The following FBLN2 variants were observed in gnomAD, a reference collection of about 807,000 sequenced individuals.
FBLN2 encodes the protein fibulin-2.
Under a neutral mutation model 123.7 loss-of-function variants are expected in FBLN2, and 81 were observed. The observed-to-expected ratio is 0.65, with a 90% CI of 0.55 to 0.79. FBLN2 has a LOEUF of 0.79. FBLN2 is among the 30% of genes least tolerant of loss of function. The probability of loss-of-function intolerance (pLI) is 0.00; values close to 1 mark genes in which losing one functional copy is unlikely to be tolerated. For missense variants in FBLN2, 1,603 were observed against 1,681.3 expected (o/e 0.95, Z 0.81); for synonymous variants, 699 against 701.4 (o/e 1.00, Z 0.05).
rs552824818 is a variant in FBLN2 at position 13,631,354 on chromosome 3, C to T, written c.3111C>T (p.Ala1037=). 20 of 1,603,046 alleles carry T rather than the reference C, an allele frequency of 1.2e-5. No homozygotes were observed. Among genetic ancestry groups the T allele is most frequent in the Middle Eastern group, 1.7e-4 (1 of 6,056 alleles). Residue 1037 remains alanine, a synonymous_variant, in exon 16 of 18, where the codon GCC becomes GCT. Coordinates refer to ENST00000404922, the MANE Select transcript of FBLN2 (RefSeq NM_001004019.2). ...CTDIDECAQG[A]GILCTFRCLN... is the part of the protein sequence containing the mutation. ...ACATCGACGAGTGTGCTCAAGGCGC[C>T]GGCATCCTCTGCACCTTCCGCTGTC...
intron 4 of FBLN2, among the ~76,000 whole-genome samples, chr3:13,611,568 C>G (rs989354230): frequency 1.3e-5 from 2 of 152,188 alleles, no homozygotes; most frequent in Non-Finnish European, 2.9e-5. Context: ...AGCATAATGT[C>G]TTCAAGGTTC....
In FBLN2 at chr3:13,630,787, G is replaced by C; in HGVS notation, c.3057G>C (p.Gln1019His). ...SYQCYCRQGYQLAEDGHTCTD... is the reference protein window; with the variant it reads ...SYQCYCRQGYHLAEDGHTCTD... ...AGTGCTACTGCCGCCAGGGCTACCA[G>C]CTGGCTGAGGATGGGCACACCTGCA... Residue 1019 changes from glutamine to histidine, a missense_variant, in exon 15 of 18, where the codon CAG becomes CAC. Transcript: ENST00000404922. 1 of 1,607,414 alleles carries C rather than the reference G, an allele frequency of 6.2e-7. No individual in the cohort carries two copies. Among genetic ancestry groups the C allele is most frequent in the Non-Finnish European group, 8.5e-7 (1 of 1,177,180 alleles).
At position 13,570,337 on chromosome 3, in the gene FBLN2, T is replaced by A; in HGVS notation, c.-19T>A. The A allele has an allele frequency of 6.6e-7, 1 of 1,522,064 alleles. No individual in the cohort carries two copies. Among genetic ancestry groups the A allele is most frequent in the Non-Finnish European group, 8.8e-7 (1 of 1,130,772 alleles). The allele number at this position is 1,522,064 out of a possible 1,614,324, so 94.3% of individuals were successfully genotyped here. On this transcript the variant is annotated 5_prime_UTR_variant, in exon 2 of 18. Transcript: ENST00000404922. ...CAGGGTCTTACAGGAGAGGGGACCG[T>A]CCTGGGCTGGCCTGGACCATGGTGC...
rs778923392 is a variant in FBLN2, at chr3:13,571,600, C to T, written c.1245C>T (p.Ser415=). 5 of 1,612,716 alleles carry T rather than the reference C, an allele frequency of 3.1e-6. No individual in the cohort carries two copies. The Admixed American group carries it at 8.3e-5, about 27-fold the overall frequency. Residue 415 remains serine, a synonymous_variant, in exon 2 of 18, where the codon TCC becomes TCT. Transcript: ENST00000404922. The part of the protein sequence containing the change: ...VPRKPQVLPH[S]HVEEDTDPNS... ...GGAAGCCGCAAGTTCTGCCCCATTCCCACGTGGAGGAGGACACAGACCCCA... is the reference window on the plus strand; with the variant it reads ...GGAAGCCGCAAGTTCTGCCCCATTCTCACGTGGAGGAGGACACAGACCCCA...
Position 13,629,849 on chromosome 3 carries a change from C to T in FBLN2, c.2872C>T (p.Arg958Cys). 11 of 1,585,140 alleles carry T rather than the reference C, an allele frequency of 6.9e-6. No individual in the cohort carries two copies. The highest frequency in any genetic ancestry group is 2.3e-5 in the East Asian group (1 of 43,098). The change falls in exon 14 of 18, where the codon CGC becomes TGC. Residue 958 changes from arginine (R) to cysteine (C), a missense_variant. Transcript: ENST00000404922. The part of the protein sequence containing the change: ...DVNECWASPG[R>C]LCQHTCENTL... ...GAATGAGTGCTGGGCCTCGCCAGGC[C>T]GCCTGTGCCAGCACACGTGTGAGAA...
chr3:13,617,034 C>T (rs1705631646), intron 5 of FBLN2, among the ~76,000 whole-genome samples: 1 of 152,190 alleles, frequency 6.6e-6, no homozygotes. Context: ...CTTTGTGGAT[C>T]TGACCCTGTC....
chr3:13,606,070 G>C (rs1442617014), intron 2 of FBLN2, among the ~76,000 whole-genome samples: 1 of 152,110 alleles, frequency 6.6e-6, no homozygotes. Flanking sequence ...GAGTAGCTAG[G>C]CTAACTTTTT....
chr3:13,599,352 C>A (rs62232966), intron 2 of FBLN2, among the ~76,000 whole-genome samples: 11,709 of 152,196 alleles, frequency 0.077, 608 homozygotes, highest in Non-Finnish European at 0.1. Context: ...TCCAGGCAGG[C>A]AGCATGGCAA....
chr3:13,637,939 T>C lies in FBLN2; in HGVS notation c.*20T>C. ...CTGTGAGGTGCCAGCACGGGCCACC[T>C]GCGGGTGTGGCGCAGCCCAGGGCTC... On this transcript the variant is annotated 3_prime_UTR_variant, in exon 18 of 18. Transcript: ENST00000404922. 6.4e-7 allele frequency: 1 copy of C among 1,556,348 alleles called. No individual in the cohort carries two copies. Among genetic ancestry groups the C allele is most frequent in the Non-Finnish European group, 8.7e-7 (1 of 1,144,972 alleles).
Position 13,637,686 on chromosome 3 carries a change from C to T in FBLN2, c.3463C>T (p.Pro1155Ser), listed in dbSNP as rs748666490. The change falls in exon 18 of 18, where the codon CCC becomes TCC. Residue 1155 changes from proline (P) to serine (S), a missense_variant. Pro to Ser is a moderately conservative substitution (Grantham distance 74, BLOSUM62 -1). Coordinates refer to ENST00000404922, the MANE Select transcript of FBLN2 (RefSeq NM_001004019.2). ...LVPAHIFRIG[P>S]APAFTGDTIA... ...GCCTGCGCATATCTTCCGCATTGGC[C>T]CCGCGCCAGCCTTCACGGGGGACAC... is the stretch of plus-strand genomic sequence containing the variant. 1 of 1,614,002 alleles carries T rather than the reference C, an allele frequency of 6.2e-7. No individual in the cohort carries two copies. Among genetic ancestry groups the T allele is most frequent in the Admixed American group, 1.7e-5 (1 of 60,020 alleles).
At chr3:13,574,421 C>T (rs889972109) in intron 2 of FBLN2, among the ~76,000 whole-genome samples, 6 of 152,206 alleles carry the variant, frequency 3.9e-5, no homozygotes, top group Admixed American at 3.3e-4. Flanking sequence ...GCCGCCCTCA[C>T]GAAGCCCCTT....
chr3:13,555,661 A>C (rs909948674), intron 1 of FBLN2, among the ~76,000 whole-genome samples: 2 of 151,870 alleles, frequency 1.3e-5, no homozygotes, highest in African/African-American at 2.4e-5. Context: ...TCACCGTGTT[A>C]GCCAGGATGG....
chr3:13,624,176 C>T (rs1036042601), intron 9 of FBLN2, among the ~76,000 whole-genome samples: 6 of 152,334 alleles, frequency 3.9e-5, no homozygotes, highest in African/African-American at 4.8e-5. Flanking sequence ...GGGCCGGGCA[C>T]TCTGGCTTCC....
chr3:13,618,569 A>G (rs370090176), intron 6 of FBLN2, among the ~76,000 whole-genome samples: 23 of 152,312 alleles, frequency 1.5e-4, no homozygotes, highest in African/African-American at 5.1e-4. Context: ...AAACCCAGCT[A>G]TCTCCCCAGT....
chr3:13,610,765 T>C (rs1157330643), intron 4 of FBLN2, among the ~76,000 whole-genome samples: 1 of 151,986 alleles, frequency 6.6e-6, no homozygotes, highest in African/African-American at 2.4e-5. Flanking sequence ...AGGGCTGAGT[T>C]AGAGGAGTGA....
intron 4 of FBLN2, among the ~76,000 whole-genome samples, chr3:13,612,952 A>C (rs1285223408): frequency 3.3e-5 from 5 of 152,060 alleles, no homozygotes; most frequent in African/African-American, 1.2e-4. Flanking sequence ...GACCTGAGCC[A>C]CGCTCAGCTG....
At chr3:13,607,727 G>T (rs1185563655) in intron 2 of FBLN2, among the ~76,000 whole-genome samples, 1 of 152,126 alleles carries the variant, frequency 6.6e-6, no homozygotes, top group Non-Finnish European at 1.5e-5. Context: ...GATGAGAGGT[G>T]GACAAAGCTG....
At chr3:13,572,513 C>CTG (rs1472805018) in intron 2 of FBLN2, among the ~76,000 whole-genome samples, 1 of 152,254 alleles carries the variant, frequency 6.6e-6, no homozygotes, top group Non-Finnish European at 1.5e-5. Flanking sequence ...TCCAAGCCAC[C>CTG]TGCCACAGAG....
intron 6 of FBLN2, 45 bp downstream of exon 6, chr3:13,618,330 T>A (rs563305196): frequency 6.3e-7 from 1 of 1,585,634 alleles, no homozygotes; most frequent in Non-Finnish European, 8.6e-7. Context: ...GAAGGGCTGA[T>A]CTTGCCAGGG....
Sources: allele counts gnomAD v4.1 joint callset (sites outside exome capture counted in the v4.1 genomes callset), GRCh38; gene constraint gnomAD v4.1.1; transcripts MANE v1.5; gene names NCBI Gene and HGNC (gene_info 2026-07-23, HGNC 2026-07-21).